PARPBP: variants seen among roughly 807,000 people sequenced by gnomAD.
PARPBP encodes the protein PCNA-interacting partner.
In PARPBP, 52 loss-of-function variants were observed where a neutral mutation model predicts 50.0. The ratio of observed to expected loss-of-function variants is 1.04; its 90% confidence interval spans 0.83 to 1.31. PARPBP has a LOEUF of 1.31. PARPBP is among the 50% of genes most tolerant of loss of function. The probability of loss-of-function intolerance (pLI) is 0.00; values close to 1 mark genes in which losing one functional copy is unlikely to be tolerated. For missense variants in PARPBP, 697 were observed against 672.0 expected (o/e 1.04, Z -0.41); for synonymous variants, 244 against 232.1 (o/e 1.05, Z -0.47).
chr12:102,187,945 C>T (rs1890450030), intron 9 of PARPBP, among the ~76,000 whole-genome samples: 1 of 152,120 alleles, frequency 6.6e-6, no homozygotes, highest in African/African-American at 2.4e-5. Flanking sequence ...AGGATAACAT[C>T]CTTCTGATGT....
At chr12:102,138,283 T>G (rs1230654584) in intron 2 of PARPBP, among the ~76,000 whole-genome samples, 2 of 152,254 alleles carry the variant, frequency 1.3e-5, no homozygotes, top group African/African-American at 4.8e-5. Context: ...TCTTGTGTCT[T>G]TTGGGTGCAT....
intron 4 of PARPBP, among the ~76,000 whole-genome samples, chr12:102,163,304 T>C (rs1887795047): frequency 6.6e-6 from 1 of 152,256 alleles, no homozygotes; most frequent in Non-Finnish European, 1.5e-5. Flanking sequence ...TCCAATATCA[T>C]CTGGCCTACA....
At chr12:102,123,777 C>T in intron 1 of PARPBP, 109 bp from the exon 2 acceptor site, 1 of 565,488 alleles carries the variant, frequency 1.8e-6, no homozygotes, top group Non-Finnish European at 2.9e-6. Flanking sequence ...TATGAAATGA[C>T]CTCTCATTCA....
Position 102,153,910 on chromosome 12 carries a change from A to G in PARPBP, c.429A>G (p.Val143=). Residue 143 remains valine, a synonymous_variant, in exon 4 of 11, where the codon GTA becomes GTG. Coordinates refer to ENST00000327680, the MANE Select transcript of PARPBP (RefSeq NM_017915.5). ...LDFLSGKQYA[V]GDETDLSIPT... The stretch of plus-strand genomic sequence containing the variant: ...TTCTGTCTGGCAAACAGTATGCAGT[A>G]GGTGATGAAACTGATCTTTCTATAC... 6.2e-7 allele frequency: 1 copy of G among 1,611,262 alleles called. No homozygotes were observed. Among genetic ancestry groups the G allele is most frequent in the Non-Finnish European group, 8.5e-7 (1 of 1,177,486 alleles).
At chr12:102,153,222 C>G (rs1405795806) in intron 3 of PARPBP, among the ~76,000 whole-genome samples, 1 of 152,186 alleles carries the variant, frequency 6.6e-6, no homozygotes, top group Non-Finnish European at 1.5e-5. Flanking sequence ...CACCAATCAG[C>G]AGCAAGCCTA....
chr12:102,178,605 C>G lies in PARPBP; in HGVS notation c.1019C>G (p.Ala340Gly). 1 of 1,579,066 alleles carries G rather than the reference C, an allele frequency of 6.3e-7. No homozygotes were observed. The highest frequency in any genetic ancestry group is 8.6e-7 in the Non-Finnish European group (1 of 1,163,454). Reference sequence around the variant, plus strand: ...TTTTTGTCTCAGCCAAAATCTCATGCCATAAACCATGGTACTGCATACTGT... The same window carrying G: ...TTTTTGTCTCAGCCAAAATCTCATGGCATAAACCATGGTACTGCATACTGT... ...DISPARPKSH[A>G]INHGTAYCGR... The change falls in exon 8 of 11, where the codon GCC (alanine) becomes GGC (glycine). Residue 340 changes from alanine to glycine, a missense_variant. Physicochemically the swap from Ala to Gly is moderately conservative, Grantham distance 60 (BLOSUM62 0). Coordinates refer to ENST00000327680, the MANE Select transcript of PARPBP (RefSeq NM_017915.5).
chr12:102,190,051 T>C (rs969856917), intron 9 of PARPBP, among the ~76,000 whole-genome samples: 1 of 152,194 alleles, frequency 6.6e-6, no homozygotes, highest in Non-Finnish European at 1.5e-5. Flanking sequence ...CCTAGGGTGA[T>C]GTAGTTGTTC....
intron 2 of PARPBP, among the ~76,000 whole-genome samples, chr12:102,142,386 C>G (rs533802621): frequency 3.7e-4 from 57 of 152,270 alleles, no homozygotes; most frequent in African/African-American, 1.2e-3. Flanking sequence ...AGCTAATCGT[C>G]TAATCTTTTT....
intron 9 of PARPBP, among the ~76,000 whole-genome samples, chr12:102,186,091 A>G (rs1306710568): frequency 1.3e-5 from 2 of 152,078 alleles, no homozygotes; most frequent in Non-Finnish European, 2.9e-5. Flanking sequence ...AGGTTTTCCA[A>G]TTTATTGGCA....
chr12:102,151,574 CA>C, intron 3 of PARPBP: 1 of 1,535,142 alleles, frequency 6.5e-7, no homozygotes, highest in Non-Finnish European at 8.7e-7. Flanking sequence ...TGGCAGGGGT[CA>C]ACTATACAGC....
chr12:102,163,973 G>GA (rs1720829910), intron 4 of PARPBP, among the ~76,000 whole-genome samples: 1 of 152,010 alleles, frequency 6.6e-6, no homozygotes, highest in Non-Finnish European at 1.5e-5. Flanking sequence ...GAGTAGGGGG[G>GA]GCACACCTTC....
At chr12:102,131,044 A>G (rs773763031) in intron 2 of PARPBP, among the ~76,000 whole-genome samples, 3 of 151,990 alleles carry the variant, frequency 2.0e-5, no homozygotes, top group African/African-American at 4.8e-5. Flanking sequence ...TAAAAAATCA[A>G]AAAGTAACAG....
intron 6 of PARPBP, among the ~76,000 whole-genome samples, chr12:102,169,131 C>G (rs534397847): frequency 6.6e-6 from 1 of 152,102 alleles, no homozygotes; most frequent in East Asian, 1.9e-4. Context: ...CTTTTTCCCT[C>G]TACTGAAGCT....
chr12:102,166,493 A>G (rs543553697), intron 6 of PARPBP, among the ~76,000 whole-genome samples: 52 of 152,176 alleles, frequency 3.4e-4, no homozygotes, highest in Non-Finnish European at 6.0e-4. Flanking sequence ...ACATAAATAA[A>G]CATAATAAAA....
At position 102,155,126 on chromosome 12, in the gene PARPBP, A is replaced by G. The variant is rs1311939133; in HGVS notation, c.495+1150A>G. On this transcript the variant is annotated intron_variant, in intron 4 of 10. Transcript: ENST00000327680. ...CTGAACCAATCTTTACCTCACATGT[A>G]CTGATTGATGTCTTATGTCTCTCTA... 3 of 207,394 alleles carry G rather than the reference A, an allele frequency of 1.4e-5. No individual in the cohort carries two copies. The Admixed American group carries it at 1.6e-4, about 11-fold the overall frequency. The allele number at this position is 207,394 out of a possible 1,614,324, so 12.8% of individuals were successfully genotyped here.
At chr12:102,170,525 A>G (rs1335558869) in intron 6 of PARPBP, among the ~76,000 whole-genome samples, 10 of 152,218 alleles carry the variant, frequency 6.6e-5, no homozygotes, top group Admixed American at 1.3e-4. Flanking sequence ...TCCTGTTCAG[A>G]ATGCAGTATA....
At chr12:102,131,764 TATAA>T (rs1882889156) in intron 2 of PARPBP, among the ~76,000 whole-genome samples, 1 of 152,142 alleles carries the variant, frequency 6.6e-6, no homozygotes, top group African/African-American at 2.4e-5. Context: ...TGTTCTCACT[TATAA>T]GTGGGAGCTA....
At chr12:102,151,673 T>C (rs1594523900) in intron 3 of PARPBP, 2 of 1,535,680 alleles carry the variant, frequency 1.3e-6, no homozygotes, top group African/African-American at 1.4e-5. Flanking sequence ...TCATTGACTC[T>C]GGAGCGGCAG....
Position 102,196,640 on chromosome 12 carries a change from G to T in PARPBP, c.*349G>T. On this transcript the variant is annotated 3_prime_UTR_variant, in exon 11 of 11. Transcript: ENST00000327680. ...TATTTTCTTCTGAAAAGATGATGTGGACCAACAGGTATCAGACTTGCCAAC... is the reference window on the plus strand; with the variant it reads ...TATTTTCTTCTGAAAAGATGATGTGTACCAACAGGTATCAGACTTGCCAAC... 6.3e-7 allele frequency: 1 copy of T among 1,596,342 alleles called. No individual in the cohort carries two copies. The highest frequency in any genetic ancestry group is 8.6e-7 in the Non-Finnish European group (1 of 1,164,264).
Sources: allele counts gnomAD v4.1 joint callset (sites outside exome capture counted in the v4.1 genomes callset), GRCh38; gene constraint gnomAD v4.1.1; transcripts MANE v1.5; gene names NCBI Gene and HGNC (gene_info 2026-07-23, HGNC 2026-07-21).